CCDC97: variants seen among roughly 807,000 people sequenced by gnomAD.
CCDC97 encodes coiled-coil domain-containing protein 97.
CCDC97 carries 27 observed loss-of-function variants against 33.9 expected under a neutral mutation model. The ratio of observed to expected loss-of-function variants is 0.80; its 90% CI spans 0.59 to 1.10. The LOEUF (loss-of-function observed/expected upper bound fraction) is 1.10. CCDC97 is among the 50% of genes least tolerant of loss of function. CCDC97 has a pLI of 0.00. For synonymous variants in CCDC97, 217 were observed against 194.0 expected (o/e 1.12, Z -0.99); for missense variants, 422 against 476.6 (o/e 0.89, Z 1.07).
intron 1 of CCDC97, among the ~76,000 whole-genome samples, chr19:41,315,914 C>T (rs1338255658): frequency 6.6e-6 from 1 of 152,082 alleles, no homozygotes; most frequent in Non-Finnish European, 1.5e-5. Flanking sequence ...AGTAACATGT[C>T]AATACCCTGT....
intron 1 of CCDC97, 54 bp downstream of exon 1, chr19:41,310,410 G>A: frequency 6.4e-7 from 1 of 1,566,660 alleles, no homozygotes. Flanking sequence ...GGTGTCTCTA[G>A]GAAATGATTC....
At chr19:41,312,794 C>CT (rs1032807244) in intron 1 of CCDC97, among the ~76,000 whole-genome samples, 10 of 151,324 alleles carry the variant, frequency 6.6e-5, no homozygotes, top group African/African-American at 1.5e-4. Flanking sequence ...ACGTTGCCTT[C>CT]TTTTTTTTTA....
chr19:41,319,993 G>T, intron 3 of CCDC97, 141 bp downstream of exon 3: 1 of 609,004 alleles, frequency 1.6e-6, no homozygotes, highest in Non-Finnish European at 2.9e-6. Flanking sequence ...CTGACTCTCT[G>T]TGTATGCCCT....
chr19:41,322,645 A>T lies in CCDC97; in HGVS notation c.962A>T (p.Asp321Val). Residue 321 changes from aspartate (D) to valine (V), a missense_variant, in exon 5 of 5, where the codon GAT becomes GTT. By Grantham distance (152) the Asp-to-Val change is radical (BLOSUM62 -3). Transcript: ENST00000269967. ...GACAACCTCGACATCGTGGCACGGG[A>T]TGAGGAGGAGAGGTACTTTGATGAG... ...DFDNLDIVAR[D>V]EEERYFDEEE... 1 of 1,613,372 alleles carries T rather than the reference A, an allele frequency of 6.2e-7. No homozygotes were observed. Among genetic ancestry groups the T allele is most frequent in the South Asian group, 1.1e-5 (1 of 91,058 alleles).
intron 1 of CCDC97, among the ~76,000 whole-genome samples, chr19:41,311,345 C>A (rs1442773600): frequency 2.0e-5 from 3 of 152,084 alleles, no homozygotes; most frequent in Non-Finnish European, 4.4e-5. Context: ...ATTATTACAC[C>A]ACTGCACTCC....
In CCDC97 at chr19:41,316,783, C is replaced by T. The variant is rs2037753900; in HGVS notation, c.446C>T (p.Thr149Ile). ...CGGCAGGGCACTGCCCGGCCCCGCA[C>T]CCTGCGTACCCGCCTGCGTAACCGG... ...VARQGTARPR[T>I]LRTRLRNRRY... is the part of the protein sequence containing the mutation. The change falls in exon 2 of 5, where the codon ACC becomes ATC. Residue 149 changes from threonine to isoleucine, a missense_variant. Transcript: ENST00000269967. 2 of 1,605,746 alleles carry T rather than the reference C, an allele frequency of 1.2e-6. No individual in the cohort carries two copies. The highest frequency in any genetic ancestry group is 1.7e-6 in the Non-Finnish European group (2 of 1,173,686).
At chr19:41,316,925 A>G (rs2037756913) in intron 2 of CCDC97, 86 bp downstream of exon 2, 2 of 1,046,824 alleles carry the variant, frequency 1.9e-6, no homozygotes, top group Non-Finnish European at 2.8e-6. Context: ...AGAATACAAG[A>G]GCAGAGACAG....
At chr19:41,316,291 A>G (rs1334026652) in intron 1 of CCDC97, 93 bp from the exon 2 acceptor site, 1 of 958,584 alleles carries the variant, frequency 1.0e-6, no homozygotes, top group Non-Finnish European at 1.6e-6. Context: ...GAATATAGTC[A>G]GTGCCCAGTA....
intron 1 of CCDC97, among the ~76,000 whole-genome samples, chr19:41,312,139 A>G (rs2037693011): frequency 6.6e-6 from 1 of 152,068 alleles, no homozygotes; most frequent in African/African-American, 2.4e-5. Flanking sequence ...GCTGGAGTGC[A>G]GTGGCATGAT....
At chr19:41,316,015 G>A (rs558120335) in intron 1 of CCDC97, among the ~76,000 whole-genome samples, 1 of 151,540 alleles carries the variant, frequency 6.6e-6, no homozygotes, top group African/African-American at 2.4e-5. Context: ...GATCGCTCAA[G>A]CCCAGGCGGT....
intron 1 of CCDC97, chr19:41,310,748 C>T: frequency 2.9e-6 from 3 of 1,042,104 alleles, no homozygotes; most frequent in Non-Finnish European, 3.5e-6. Flanking sequence ...CTAGACGAAT[C>T]CTCCTACCTT....
Position 41,316,597 on chromosome 19 carries a change from T to C in CCDC97, c.260T>C (p.Leu87Ser), listed in dbSNP as rs377096486. 4.7e-5 allele frequency: 76 copies of C among 1,614,090 alleles called. 2 individuals are homozygous for C. Among genetic ancestry groups the C allele is most frequent in the Non-Finnish European group, 5.9e-6 (7 of 1,180,054 alleles). The change falls in exon 2 of 5, where the codon TTG (leucine) becomes TCG (serine). Residue 87 changes from leucine to serine, a missense_variant. Transcript: ENST00000269967. ...AGCCAGCAGCAGGGTGAACCCGACT[T>C]GACAGAGCATGAGAAAGTGGCCATC... ...VCSQQQGEPD[L>S]TEHEKVAILA... is the part of the protein sequence containing the mutation.
intron 1 of CCDC97, among the ~76,000 whole-genome samples, chr19:41,311,596 C>T (rs564982735): frequency 6.6e-6 from 1 of 152,140 alleles, no homozygotes; most frequent in South Asian, 2.1e-4. Context: ...AGCCAGGCGT[C>T]GTGGTATGTG....
chr19:41,311,510 A>C (rs2037683999), intron 1 of CCDC97, among the ~76,000 whole-genome samples: 1 of 152,198 alleles, frequency 6.6e-6, no homozygotes, highest in Middle Eastern at 3.4e-3. Flanking sequence ...AGGCAGGAAG[A>C]TCACCTCAGG....
chr19:41,316,380 T>C lies in CCDC97; in HGVS notation c.47-4T>C, dbSNP rs2123056645. 3.7e-6 allele frequency: 6 copies of C among 1,604,320 alleles called. No individual in the cohort carries two copies. The highest frequency in any genetic ancestry group is 5.1e-6 in the Non-Finnish European group (6 of 1,172,054). On this transcript the variant is annotated splice_region_variant and splice_polypyrimidine_tract_variant and intron_variant, in intron 1 of 4. Transcript: ENST00000269967. ...CTGAACTAACCAATCTCTCCTTTCC[T>C]CAGGCTGCATAGAGCCTGGACCTGG...
chr19:41,318,553 TATG>T (rs1788418301), intron 2 of CCDC97, among the ~76,000 whole-genome samples: 1 of 152,122 alleles, frequency 6.6e-6, no homozygotes, highest in African/African-American at 2.4e-5. Context: ...AGTCACAGCC[TATG>T]GTGCTGCAGA....
intron 1 of CCDC97, 119 bp downstream of exon 1, chr19:41,310,475 T>A: frequency 6.6e-7 from 1 of 1,508,384 alleles, no homozygotes; most frequent in Non-Finnish European, 8.9e-7. Context: ...CCCCTCAGCT[T>A]TACCGGTCCT....
In CCDC97 at chr19:41,319,661, A is replaced by G; in HGVS notation, c.590A>G (p.Glu197Gly). The change falls in exon 3 of 5, where the codon GAG becomes GGG. Residue 197 changes from glutamate (E) to glycine (G), a missense_variant. Coordinates refer to ENST00000269967, the MANE Select transcript of CCDC97 (RefSeq NM_052848.3). The stretch of plus-strand genomic sequence containing the variant: ...ATCGGGCAGTATCTCACCCAGGAGG[A>G]GCTCAGTGCCCGCACCCCAACCCAC... ...QYIGQYLTQE[E>G]LSARTPTHQP... 6.2e-7 allele frequency: 1 copy of G among 1,613,946 alleles called. No homozygotes were observed. The highest frequency in any genetic ancestry group is 8.5e-7 in the Non-Finnish European group (1 of 1,179,920).
intron 4 of CCDC97, 178 bp downstream of exon 4, chr19:41,320,648 C>A: frequency 1.5e-6 from 1 of 686,192 alleles, no homozygotes; most frequent in African/African-American, 1.8e-5. Context: ...TCGGACTAGC[C>A]TTGTCCATCT....
Sources: gnomAD v4.1 joint callset for allele counts (sites outside exome capture counted in the v4.1 genomes callset) on GRCh38, gnomAD v4.1.1 for gene constraint, MANE v1.5 for transcripts, NCBI Gene and HGNC (gene_info 2026-07-23, HGNC 2026-07-21) for gene names.